STRBP: variants seen among roughly 807,000 people sequenced by gnomAD.
STRBP encodes the protein spermatid perinuclear RNA-binding protein.
STRBP carries 13 observed loss-of-function variants against 80.1 expected under a neutral mutation model. That is an observed-to-expected ratio of 0.16 (90% CI 0.11 to 0.26). STRBP has a LOEUF of 0.26. Ranked by LOEUF, STRBP falls within the 10% of genes least tolerant of loss-of-function variation. The pLI, the probability that STRBP is intolerant of heterozygous loss-of-function variation, is 1.00. For missense variants in STRBP, 485 were observed against 815.2 expected (o/e 0.59, Z 4.93); for synonymous variants, 284 against 291.2 (o/e 0.98, Z 0.25).
At chr9:123,142,171 T>C (rs560213454) in intron 13 of STRBP, among the ~76,000 whole-genome samples, 12 of 152,196 alleles carry the variant, frequency 7.9e-5, no homozygotes, top group African/African-American at 2.6e-4. Flanking sequence ...GTGTTGGAGG[T>C]GGGGCCTGGT....
chr9:123,186,066 G>T (rs1027142497), intron 2 of STRBP, among the ~76,000 whole-genome samples: 1 of 150,952 alleles, frequency 6.6e-6, no homozygotes, highest in Non-Finnish European at 1.5e-5. Context: ...AGCCAGCCAG[G>T]CATGGTGGCT....
chr9:123,221,166 G>A (rs945955786), intron 2 of STRBP, among the ~76,000 whole-genome samples: 3 of 152,208 alleles, frequency 2.0e-5, no homozygotes, highest in Admixed American at 2.0e-4. Context: ...CATCTTGGCT[G>A]TGGCTGTGAC....
At chr9:123,125,806 G>T (rs992067153) in intron 18 of STRBP, 133 bp from the exon 19 acceptor site, 6 of 563,016 alleles carry the variant, frequency 1.1e-5, no homozygotes, top group Non-Finnish European at 1.8e-5. Context: ...ATACCATTTT[G>T]CAAGAGGCCC....
intron 1 of STRBP, among the ~76,000 whole-genome samples, chr9:123,249,910 G>A (rs184071921): frequency 3.3e-5 from 5 of 152,192 alleles, no homozygotes; most frequent in East Asian, 3.9e-4. Context: ...CGTTGAAGAC[G>A]GAACATGAAA....
intron 1 of STRBP, among the ~76,000 whole-genome samples, chr9:123,256,018 C>CTTTTTTTTTTTTTTTTTTT (rs11338372): frequency 1.4e-5 from 1 of 71,486 alleles, no homozygotes; most frequent in Admixed American, 1.7e-4. Context: ...TCCTTTCTTT[C>CTTTTTTTTTTTTTTTTTTT]TTTTTTTTTT....
intron 1 of STRBP, among the ~76,000 whole-genome samples, chr9:123,258,700 A>G (rs1008030094): frequency 1.3e-5 from 2 of 151,036 alleles, no homozygotes; most frequent in Non-Finnish European, 2.9e-5. Context: ...GCTACTCAGG[A>G]GGCTGAGGCA....
At chr9:123,239,431 T>C (rs2132602087) in intron 1 of STRBP, among the ~76,000 whole-genome samples, 1 of 152,194 alleles carries the variant, frequency 6.6e-6, no homozygotes, top group East Asian at 1.9e-4. Context: ...TATCCAAATC[T>C]TACCTTTTTT....
chr9:123,266,239 ACCCACTACACACCTCT>A (rs1340635879), intron 1 of STRBP, among the ~76,000 whole-genome samples: 5 of 151,996 alleles, frequency 3.3e-5, no homozygotes, highest in African/African-American at 1.2e-4. Context: ...CTAGGATGAT[ACCCACTACACACCTCT>A]CCCAAATTTG....
intron 13 of STRBP, 28 bp downstream of exon 13, chr9:123,146,827 G>C: frequency 6.4e-7 from 1 of 1,552,560 alleles, no homozygotes; most frequent in Non-Finnish European, 8.8e-7. Context: ...AAATAAGAAA[G>C]CATTGCAAAG....
chr9:123,208,358 C>T (rs1165453024), intron 2 of STRBP, among the ~76,000 whole-genome samples: 6 of 152,130 alleles, frequency 3.9e-5, no homozygotes, highest in Admixed American at 3.9e-4. Flanking sequence ...TGTAACCTGG[C>T]AGAACTCAGC....
chr9:123,147,691 A>AC, intron 12 of STRBP, 87 bp downstream of exon 12: 1 of 1,140,454 alleles, frequency 8.8e-7, no homozygotes, highest in African/African-American at 1.6e-5. Context: ...AAAAAAAAAA[A>AC]AAAAAAAACC....
chr9:123,111,703 C>G (rs1036500328), intron 3 of STRBP: 3 of 439,166 alleles, frequency 6.8e-6, no homozygotes, highest in Non-Finnish European at 1.4e-5. Flanking sequence ...ATTCTCTTTA[C>G]CCAGTGTCCA....
In STRBP at chr9:123,124,166, A is replaced by G; in HGVS notation, c.*1431T>C. On this transcript the variant is annotated 3_prime_UTR_variant, in exon 19 of 19. Transcript: ENST00000348403. Reference sequence around the variant, plus strand: ...ACATTTGCCATATTTTGTGAAGCCCATTCTCATGGATGGGCCCTGTCAAGT... The same window carrying G: ...ACATTTGCCATATTTTGTGAAGCCCGTTCTCATGGATGGGCCCTGTCAAGT... The G allele has an allele frequency of 1.6e-5, 16 of 985,444 alleles. No individual in the cohort carries two copies. The highest frequency in any genetic ancestry group is 1.8e-5 in the Non-Finnish European group (15 of 829,936). The allele number at this position is 985,444 out of a possible 1,614,324, so 61.0% of individuals were successfully genotyped here.
intron 6 of STRBP, among the ~76,000 whole-genome samples, chr9:123,166,942 G>C: frequency 6.6e-6 from 1 of 152,048 alleles, no homozygotes; most frequent in South Asian, 2.1e-4. Flanking sequence ...AAACATAGGA[G>C]GAAACTTACC....
At chr9:123,118,511 A>C (rs956263132), downstream of STRBP, among the ~76,000 whole-genome samples, 1 of 152,252 alleles carries the variant, frequency 6.6e-6, no homozygotes, top group Non-Finnish European at 1.5e-5. Flanking sequence ...AGAAGGAGTA[A>C]GTAATTAGAA....
chr9:123,111,987 G>T, intron 3 of STRBP: 1 of 180,576 alleles, frequency 5.5e-6, no homozygotes. Flanking sequence ...TCACCGAGAG[G>T]AAGCAGCACC....
At position 123,123,998 on chromosome 9, in the gene STRBP, C is replaced by T. The variant is rs910969368; in HGVS notation, c.*1599G>A. The T allele has an allele frequency of 3.1e-5, 31 of 985,324 alleles. No homozygotes were observed. Among genetic ancestry groups the T allele is most frequent in the Non-Finnish European group, 3.7e-5 (31 of 829,912 alleles). 61.0% of individuals were successfully genotyped at this position (985,324 alleles called of 1,614,324 possible). ...AAGTGATGAGGTTTTATTAAAGTAT[C>T]ACCCACCACTAATAAAGACAAAAGA... On this transcript the variant is annotated 3_prime_UTR_variant, in exon 19 of 19. Transcript: ENST00000348403.
chr9:123,171,642 C>T (rs2038015098), intron 5 of STRBP, among the ~76,000 whole-genome samples: 1 of 152,150 alleles, frequency 6.6e-6, no homozygotes, highest in Non-Finnish European at 1.5e-5. Context: ...CAATCATCAT[C>T]CCCATTTTAC....
Position 123,147,018 on chromosome 9 carries a change from A to G in STRBP, c.1175T>C (p.Leu392Pro), listed in dbSNP as rs1222786607. 1.2e-6 allele frequency: 2 copies of G among 1,613,932 alleles called. No individual in the cohort carries two copies. Among genetic ancestry groups the G allele is most frequent in the Non-Finnish European group, 1.7e-6 (2 of 1,179,952 alleles). The change falls in exon 13 of 19, where the codon CTA becomes CCA. Residue 392 changes from leucine to proline, a missense_variant. Leu to Pro is a moderately conservative substitution (Grantham distance 98, BLOSUM62 -3). This residue lies in a region of STRBP where 377 missense variants were observed against 616.1 expected (regional missense o/e 0.61). Coordinates refer to ENST00000348403, the MANE Select transcript of STRBP (RefSeq NM_018387.5). Reference sequence around the variant, plus strand: ...AGGCCTGATCTGATTTAGCCTCATTAGTGCATTCATAAGGTCTATTGCTTT... The same window carrying G: ...AGGCCTGATCTGATTTAGCCTCATTGGTGCATTCATAAGGTCTATTGCTTT... ...DSKAIDLMNA[L>P]MRLNQIRPGL...
Sources: gnomAD v4.1 joint callset for allele counts (sites outside exome capture counted in the v4.1 genomes callset) on GRCh38, gnomAD v4.1.1 for gene constraint, gnomAD v4.1.1 regional missense constraint, MANE v1.5 for transcripts, NCBI Gene and HGNC (gene_info 2026-07-23, HGNC 2026-07-21) for gene names.